STMP1: variants seen among roughly 807,000 people sequenced by gnomAD.
The protein encoded by STMP1 is mitolamban.
A neutral mutation model predicts 7.0 loss-of-function variants in STMP1; 7 were observed. That is an observed-to-expected ratio of 1.01 (90% CI 0.57 to 1.89). STMP1 has a LOEUF of 1.89. STMP1 is among the 40% of genes most tolerant of loss of function. STMP1 has a pLI of 0.00. For synonymous variants in STMP1, 19 were observed against 18.4 expected (o/e 1.03, Z -0.08); for missense variants, 45 against 53.0 (o/e 0.85, Z 0.47).
At chr7:135,672,615 C>A (rs952750178) in intron 1 of STMP1, 138 bp from the exon 2 acceptor site, 24 of 620,634 alleles carry the variant, frequency 3.9e-5, no homozygotes, top group Non-Finnish European at 6.2e-5. Flanking sequence ...TCATGTTGTA[C>A]ACAGCCCTAG....
chr7:135,664,602 GC>G (rs1179488101), intron 1 of STMP1, among the ~76,000 whole-genome samples: 1 of 152,008 alleles, frequency 6.6e-6, no homozygotes, highest in African/African-American at 2.4e-5. Context: ...CCACCACTGT[GC>G]CTGGTCAGAT....
rs1269964005 is a variant in STMP1 at position 135,675,289 on chromosome 7, GAGAA to G, written c.*1128_*1131del. On this transcript the variant is annotated 3_prime_UTR_variant, in exon 3 of 3. Coordinates refer to ENST00000507606, the MANE Select transcript of STMP1 (RefSeq NM_001130929.2). ...TGTTACCACTTCGCCTTATACTTTT[GAGAA>G]AGAGTCTGTGCCTAAACAAACACGT... 9 of 152,104 alleles carry G rather than the reference GAGAA, an allele frequency of 5.9e-5. No individual in the cohort carries two copies. Among genetic ancestry groups the G allele is most frequent in the African/African-American group, 2.2e-4 (9 of 41,432 alleles). The allele number at this position is 152,104 out of a possible 1,614,324, so 9.4% of individuals were successfully genotyped here.
rs1795397538 is a variant in STMP1 at position 135,675,153 on chromosome 7, A to G, written c.*988A>G. The G allele has an allele frequency of 6.6e-6, 1 of 152,160 alleles. No homozygotes were observed. Among genetic ancestry groups the G allele is most frequent in the Non-Finnish European group, 1.5e-5 (1 of 68,034 alleles). The allele number at this position is 152,160 out of a possible 1,614,324, so 9.4% of individuals were successfully genotyped here. On this transcript the variant is annotated 3_prime_UTR_variant, in exon 3 of 3. Coordinates refer to ENST00000507606, the MANE Select transcript of STMP1 (RefSeq NM_001130929.2). ...AGCTTGTATTGTTTTTAAATTAAAA[A>G]AAAATTTGAATAATTAACTTTTGCC... is the stretch of plus-strand genomic sequence containing the variant.
intron 1 of STMP1, among the ~76,000 whole-genome samples, chr7:135,666,946 C>T (rs1227959814): frequency 6.6e-6 from 1 of 152,118 alleles, no homozygotes; most frequent in African/African-American, 2.4e-5. Context: ...AACTTTTGGA[C>T]TGTTTTCCAG....
chr7:135,671,400 T>C (rs1795356391), intron 1 of STMP1, among the ~76,000 whole-genome samples: 1 of 152,230 alleles, frequency 6.6e-6, no homozygotes, highest in Non-Finnish European at 1.5e-5. Flanking sequence ...TTTTATTTTT[T>C]TAAACCTCTC....
At chr7:135,670,659 A>C (rs1795347928) in intron 1 of STMP1, among the ~76,000 whole-genome samples, 1 of 152,116 alleles carries the variant, frequency 6.6e-6, no homozygotes, top group Non-Finnish European at 1.5e-5. Context: ...TGGAATTGAT[A>C]TGACTTGTTT....
At chr7:135,672,536 T>G (rs1366271232) in intron 1 of STMP1, among the ~76,000 whole-genome samples, 1 of 152,202 alleles carries the variant, frequency 6.6e-6, no homozygotes, top group Non-Finnish European at 1.5e-5. Flanking sequence ...GTGTCACCAT[T>G]TATTCTTTTG....
intron 1 of STMP1, among the ~76,000 whole-genome samples, chr7:135,663,728 C>T (rs1563148285): frequency 6.6e-6 from 1 of 152,182 alleles, no homozygotes; most frequent in South Asian, 2.1e-4. Flanking sequence ...GATCTCGGCT[C>T]ACTGCAGCCT....
intron 2 of STMP1, chr7:135,673,221 A>G: frequency 5.3e-6 from 1 of 190,238 alleles, no homozygotes; most frequent in Non-Finnish European, 1.1e-5. Context: ...GGGGACTGAA[A>G]AATATAGATC....
chr7:135,662,922 C>T (rs766170574), intron 1 of STMP1, among the ~76,000 whole-genome samples: 13 of 152,210 alleles, frequency 8.5e-5, no homozygotes, highest in Non-Finnish European at 1.8e-4. Flanking sequence ...TCCTTGATGA[C>T]TTTTCGTAGT....
chr7:135,667,698 A>G (rs1023629500), intron 1 of STMP1, among the ~76,000 whole-genome samples: 6 of 146,106 alleles, frequency 4.1e-5, no homozygotes, highest in South Asian at 4.3e-4. Context: ...ATGAGGTCCA[A>G]TTTTTTTTTT....
chr7:135,666,559 C>G (rs1795295492), intron 1 of STMP1, among the ~76,000 whole-genome samples: 1 of 151,986 alleles, frequency 6.6e-6, no homozygotes, highest in African/African-American at 2.4e-5. Context: ...CCAGGCTGGT[C>G]TCAAACTCCT....
intron 1 of STMP1, among the ~76,000 whole-genome samples, chr7:135,671,678 G>A (rs533401087): frequency 3.6e-4 from 55 of 152,210 alleles, no homozygotes; most frequent in African/African-American, 9.9e-4. Context: ...AATTGCACCC[G>A]TCTCTTGTCA....
At chr7:135,664,393 T>C (rs1004351494) in intron 1 of STMP1, among the ~76,000 whole-genome samples, 2 of 147,322 alleles carry the variant, frequency 1.4e-5, no homozygotes, top group African/African-American at 5.0e-5. Context: ...CTTTGTCACC[T>C]AGGCTAGAGT....
At chr7:135,665,906 C>CTTT (rs756029962) in intron 1 of STMP1, among the ~76,000 whole-genome samples, 2 of 142,636 alleles carry the variant, frequency 1.4e-5, no homozygotes, top group African/African-American at 2.6e-5. Context: ...TAATCTGTTG[C>CTTT]TTTTTTTTTT....
chr7:135,664,547 A>G (rs1044106389), intron 1 of STMP1, among the ~76,000 whole-genome samples: 2 of 151,696 alleles, frequency 1.3e-5, no homozygotes, highest in Non-Finnish European at 2.9e-5. Context: ...TTGTAGAGAC[A>G]GGTCTTGCCT....
chr7:135,663,338 A>G (rs555297003), intron 1 of STMP1, among the ~76,000 whole-genome samples: 10 of 151,156 alleles, frequency 6.6e-5, no homozygotes, highest in Admixed American at 3.3e-4. Flanking sequence ...TTCAACCTCT[A>G]TTTTTTTTTA....
chr7:135,670,354 G>A (rs181334015), intron 1 of STMP1, among the ~76,000 whole-genome samples: 4 of 152,244 alleles, frequency 2.6e-5, no homozygotes, highest in Admixed American at 2.6e-4. Context: ...TACTGATGAG[G>A]TTTCCAGGTC....
rs1172062773 is a variant in STMP1, at chr7:135,674,752, G to T, written c.*587G>T. 6.6e-6 allele frequency: 1 copy of T among 152,152 alleles called. No homozygotes were observed. Among genetic ancestry groups the T allele is most frequent in the Non-Finnish European group, 1.5e-5 (1 of 68,056 alleles). 9.4% of individuals were successfully genotyped at this position (152,152 alleles called of 1,614,324 possible). A position where few individuals can be genotyped will look rare whatever the true frequency, so the allele number is the denominator to read the frequency against. On this transcript the variant is annotated 3_prime_UTR_variant, in exon 3 of 3. Coordinates refer to ENST00000507606, the MANE Select transcript of STMP1 (RefSeq NM_001130929.2). ...GAAACGATTCTGAGAATCCTGTCAG[G>T]AATTGGGGAATGAAAAAATACACAA...
Sources: gnomAD v4.1 joint callset for allele counts (sites outside exome capture counted in the v4.1 genomes callset) on GRCh38, gnomAD v4.1.1 for gene constraint, MANE v1.5 for transcripts, NCBI Gene and HGNC (gene_info 2026-07-23, HGNC 2026-07-21) for gene names.